The following CARS1 variants were observed in gnomAD, a reference collection of about 807,000 sequenced individuals.
CARS1 encodes cysteinyl-tRNA synthetase 1, also known as cysteine--tRNA ligase, cytoplasmic.
In CARS1, 48 loss-of-function variants were observed where a neutral mutation model predicts 106.2. The observed-to-expected ratio is 0.45, with a 90% CI of 0.36 to 0.57. The LOEUF is 0.57. CARS1 is among the 20% of genes least tolerant of loss of function. The probability of loss-of-function intolerance (pLI) is 0.00; values close to 1 mark genes in which losing one functional copy is unlikely to be tolerated. For synonymous variants in CARS1, 409 were observed against 403.4 expected (o/e 1.01, Z -0.17); for missense variants, 968 against 1,057.2 (o/e 0.92, Z 1.17).
Position 3,029,072 on chromosome 11 carries a change from C to G in CARS1, c.955G>C (p.Asp319His). 6.2e-7 allele frequency: 1 copy of G among 1,612,672 alleles called. No homozygotes were observed. The highest frequency in any genetic ancestry group is 2.2e-5 in the East Asian group (1 of 44,880). The change falls in exon 9 of 23, where the codon GAT becomes CAT. Residue 319 changes from aspartate to histidine, a missense_variant. Asp to His is a moderately conservative substitution (Grantham distance 81). Transcript: ENST00000380525. This position sits in a 1 kb window ranked among gnomAD's most constrained non-coding sequence, Gnocchi z 5.9. ...TACTCACTAACCCGGGTTAAGACAT[C>G]TGGAGGGAGAACCTGTGCAAGACAT... is the stretch of plus-strand genomic sequence containing the variant. The part of the protein sequence containing the change: ...DMEALNVLPP[D>H]VLTRVSEYVP...
chr11:3,036,924 C>T (rs1590474473), intron 7 of CARS1, among the ~76,000 whole-genome samples: 1 of 149,086 alleles, frequency 6.7e-6, no homozygotes. Context: ...AAACCAGACA[C>T]AAAAAGACCC....
chr11:3,040,544 G>C lies in CARS1; in HGVS notation c.455+352C>G. The C allele has an allele frequency of 2.0e-6, 1 of 496,806 alleles. No homozygotes were observed. The highest frequency in any genetic ancestry group is 3.9e-6 in the Non-Finnish European group (1 of 254,140). The allele number at this position is 496,806 out of a possible 1,614,324, so 30.8% of individuals were successfully genotyped here. ...CCAGCGTCAGGCCTGTCAGGTCTGA[G>C]TGTCACGGGAACTCAGCATCTGGGG... On this transcript the variant is annotated intron_variant, in intron 4 of 22. Transcript: ENST00000380525. This position sits in a 1 kb window ranked among gnomAD's most constrained non-coding sequence, Gnocchi z 5.8.
At chr11:3,056,319 T>C (rs1228810667) in intron 1 of CARS1, among the ~76,000 whole-genome samples, 1 of 152,244 alleles carries the variant, frequency 6.6e-6, no homozygotes, top group Non-Finnish European at 1.5e-5. Context: ...AATTAAAAAC[T>C]AGATACTGAG....
intron 10 of CARS1, 45 bp downstream of exon 10, chr11:3,026,631 G>C: frequency 6.2e-7 from 1 of 1,605,924 alleles, no homozygotes; most frequent in South Asian, 1.1e-5. Context: ...ACCCAGGCTG[G>C]GCCAGGAGGG....
In CARS1 at chr11:3,030,896, C is replaced by T. The variant is rs1262258911; in HGVS notation, c.802-1453G>A. The T allele has an allele frequency of 1.3e-5, 2 of 152,166 alleles. No individual in the cohort carries two copies. The highest frequency in any genetic ancestry group is 2.9e-5 in the Non-Finnish European group (2 of 68,040). The allele number at this position is 152,166 out of a possible 1,614,324, so 9.4% of individuals were successfully genotyped here. A position where few individuals can be genotyped will look rare whatever the true frequency, so the allele number is the denominator to read the frequency against. On this transcript the variant is annotated intron_variant, in intron 7 of 22. Transcript: ENST00000380525. The surrounding 1 kb of genome is among the most constrained non-coding windows in gnomAD (Gnocchi z 5.7). ...ATCCTACTGAGTGACTGTTTCACTT[C>T]CTGTCTGAAGGAGAATTTGTGAACA...
intron 17 of CARS1, 80 bp from the exon 18 acceptor site, chr11:3,012,356 G>A (rs758063034): frequency 2.1e-5 from 26 of 1,255,054 alleles, no homozygotes; most frequent in East Asian, 1.4e-4. Context: ...CAGTGGCCGC[G>A]ACACAGGGCA....
At position 3,019,909 on chromosome 11, in the gene CARS1, T is replaced by C. The variant is rs1851413589; in HGVS notation, c.1266+311A>G. Among the ~76,000 whole-genome samples the C allele has an allele frequency of 6.6e-6, 1 of 152,136 alleles. No homozygotes were observed. Among genetic ancestry groups the C allele is most frequent in the Non-Finnish European group, 1.5e-5 (1 of 68,008 alleles). ...GAAGATCAGAACGCATCCTACACCC[T>C]GGGGCCTGGAATACTCAGAGTCACA... On this transcript the variant is annotated intron_variant, in intron 11 of 22. Coordinates refer to ENST00000380525, the MANE Select transcript of CARS1 (RefSeq NM_001014437.3). The surrounding 1 kb of genome is among the most constrained non-coding windows in gnomAD (Gnocchi z 6.2).
Position 3,052,534 on chromosome 11 carries a change from C to T in CARS1, c.26-4533G>A, listed in dbSNP as rs1281659731. 1.3e-5 allele frequency among the ~76,000 whole-genome samples: 2 copies of T among 152,088 alleles called. No homozygotes were observed. Among genetic ancestry groups the T allele is most frequent in the Non-Finnish European group, 2.9e-5 (2 of 68,028 alleles). On this transcript the variant is annotated intron_variant, in intron 1 of 22. Transcript: ENST00000380525. This position sits in a 1 kb window ranked among gnomAD's most constrained non-coding sequence, Gnocchi z 4.6. ...TTTAAAAGTTTATTACCAAATCTGC[C>T]TTGATCTTGGATCACATAATTCTTA...
In CARS1 at chr11:3,034,180, TTTTG is replaced by T. The variant is rs71035467; in HGVS notation, c.801+3866_801+3869del. Reference sequence around the variant, plus strand: ...TCGTGTCTTAGTCTGTTTTCTGTTTTTTTGTTTGTTTGTTCTTTTTTTTGTTTTC... The same window carrying T: ...TCGTGTCTTAGTCTGTTTTCTGTTTTTTTGTTTGTTCTTTTTTTTGTTTTC... On this transcript the variant is annotated intron_variant, in intron 7 of 22. Coordinates refer to ENST00000380525, the MANE Select transcript of CARS1 (RefSeq NM_001014437.3). This position sits in a 1 kb window ranked among gnomAD's most constrained non-coding sequence, Gnocchi z 6.3. Among the ~76,000 whole-genome samples the T allele has an allele frequency of 0.33, 49,962 of 151,670 alleles. 10,110 individuals are homozygous for T. Among genetic ancestry groups the T allele is most frequent in the East Asian group, 0.62 (3,187 of 5,108 alleles).
intron 1 of CARS1, among the ~76,000 whole-genome samples, chr11:3,051,550 C>A (rs1020299991): frequency 6.6e-6 from 1 of 152,222 alleles, no homozygotes. Context: ...CAGACTCCTA[C>A]AAACTCTTTT....
At chr11:3,056,286 A>T (rs1184128030) in intron 1 of CARS1, among the ~76,000 whole-genome samples, 1 of 152,240 alleles carries the variant, frequency 6.6e-6, no homozygotes, top group East Asian at 1.9e-4. Context: ...AAGAACTTGC[A>T]TCTAATTTTT....
At chr11:3,012,105 G>C in intron 18 of CARS1, 90 bp downstream of exon 18, 5 of 1,195,554 alleles carry the variant, frequency 4.2e-6, no homozygotes, top group Non-Finnish European at 6.2e-6. Context: ...GATCCGGCCT[G>C]AACGCCATAG....
At position 3,050,116 on chromosome 11, in the gene CARS1, T is replaced by C. The variant is rs1855512014; in HGVS notation, c.26-2115A>G. On this transcript the variant is annotated intron_variant, in intron 1 of 22. Transcript: ENST00000380525. This position sits in a 1 kb window ranked among gnomAD's most constrained non-coding sequence, Gnocchi z 6.3. ...CAGCCTCCGTGGCTGCCGGAGAAGA[T>C]GTCCTGAAGCCACCTCTTCTCTGCA... 6.6e-6 allele frequency among the ~76,000 whole-genome samples: 1 copy of C among 152,138 alleles called. No homozygotes were observed. Among genetic ancestry groups the C allele is most frequent in the Non-Finnish European group, 1.5e-5 (1 of 68,016 alleles).
rs1250392694 is a variant in CARS1, at chr11:3,039,627, G to T, written c.552+208C>A. ...AGGGCTACCGACCCCTGAGCAACAT[G>T]CAGGTTTCTAACCGTGTCTGAACAT... On this transcript the variant is annotated intron_variant, in intron 5 of 22. Coordinates refer to ENST00000380525, the MANE Select transcript of CARS1 (RefSeq NM_001014437.3). This position sits in a 1 kb window ranked among gnomAD's most constrained non-coding sequence, Gnocchi z 5.6. 6.6e-6 allele frequency among the ~76,000 whole-genome samples: 1 copy of T among 152,200 alleles called. No individual in the cohort carries two copies. The highest frequency in any genetic ancestry group is 1.5e-5 in the Non-Finnish European group (1 of 68,032).
At position 3,004,672 on chromosome 11, in the gene CARS1, T is replaced by C. The variant is rs1205252477; in HGVS notation, c.2217+694A>G. On this transcript the variant is annotated intron_variant, in intron 20 of 22. Coordinates refer to ENST00000380525, the MANE Select transcript of CARS1 (RefSeq NM_001014437.3). The surrounding 1 kb of genome is among the most constrained non-coding windows in gnomAD (Gnocchi z 5.2). ...TTTTTGTTCCTGTTCTTCTGTCCTA[T>C]TGGGCACCGAGGAACTTGGGCCATC... 3.9e-5 allele frequency among the ~76,000 whole-genome samples: 6 copies of C among 152,218 alleles called. No individual in the cohort carries two copies. The highest frequency in any genetic ancestry group is 5.9e-5 in the Non-Finnish European group (4 of 68,026).
In CARS1 at chr11:3,040,489, T is replaced by C. The variant is rs1854298363; in HGVS notation, c.455+407A>G. 8.5e-6 allele frequency: 4 copies of C among 470,962 alleles called. No homozygotes were observed. Among genetic ancestry groups the C allele is most frequent in the Middle Eastern group, 3.2e-4 (1 of 3,162 alleles). The allele number at this position is 470,962 out of a possible 1,614,324, so 29.2% of individuals were successfully genotyped here. ...TCGTCAGGAGCTACAGCCATGACCA[T>C]CCAGTGGTCGGGGGGCGGTCACAGC... On this transcript the variant is annotated intron_variant, in intron 4 of 22. Transcript: ENST00000380525. This position sits in a 1 kb window ranked among gnomAD's most constrained non-coding sequence, Gnocchi z 5.8.
chr11:3,018,922 C>T (rs189051533), intron 12 of CARS1, among the ~76,000 whole-genome samples, 173 bp from the exon 13 acceptor site: 3 of 152,320 alleles, frequency 2.0e-5, no homozygotes, highest in Non-Finnish European at 2.9e-5. Context: ...GCAGGTAACA[C>T]AACTGGTTCA....
chr11:3,014,544 T>C (rs1461163173), intron 17 of CARS1, among the ~76,000 whole-genome samples: 1 of 152,206 alleles, frequency 6.6e-6, no homozygotes, highest in East Asian at 1.9e-4. Context: ...AACACTGCAG[T>C]TCAAAGGCAG....
In CARS1 at chr11:3,039,688, T is replaced by A. The variant is rs1435699713; in HGVS notation, c.552+147A>T. 1 of 566,052 alleles carries A rather than the reference T, an allele frequency of 1.8e-6. No individual in the cohort carries two copies. The highest frequency in any genetic ancestry group is 1.9e-5 in the African/African-American group (1 of 51,612). The allele number at this position is 566,052 out of a possible 1,614,324, so 35.1% of individuals were successfully genotyped here. On this transcript the variant is annotated intron_variant, in intron 5 of 22. Coordinates refer to ENST00000380525, the MANE Select transcript of CARS1 (RefSeq NM_001014437.3). The surrounding 1 kb of genome is among the most constrained non-coding windows in gnomAD (Gnocchi z 5.6). ...ATCATATCAGTAGCAGAAGTGGTAA[T>A]ATTAACTCACTGAGGGGATTAAAAT...
Sources: allele counts gnomAD v4.1 joint callset (sites outside exome capture counted in the v4.1 genomes callset), GRCh38; gene constraint gnomAD v4.1.1; non-coding constraint Gnocchi (gnomAD v3.1); transcripts MANE v1.5; gene names NCBI Gene and HGNC (gene_info 2026-07-23, HGNC 2026-07-21).